The following PTPRT variants were observed in gnomAD, a reference collection of about 807,000 sequenced individuals.
The protein encoded by PTPRT is receptor-type tyrosine-protein phosphatase T.
Under a neutral mutation model 176.8 loss-of-function variants are expected in PTPRT, and 56 were observed. The ratio of observed to expected loss-of-function variants is 0.32; its 90% CI spans 0.26 to 0.40. The LOEUF (loss-of-function observed/expected upper bound fraction) is 0.40, where lower values mean the gene tolerates loss of function less well. PTPRT is among the 10% of genes least tolerant of loss of function. The pLI, the probability that PTPRT is intolerant of heterozygous loss-of-function variation, is 1.00. For synonymous variants in PTPRT, 783 were observed against 739.0 expected (o/e 1.06, Z -0.96); for missense variants, 1,540 against 1,908.2 (o/e 0.81, Z 3.60).
chr20:42,053,883 C>T, the PTPRT span, among the ~76,000 whole-genome samples: 25,423 of 152,072 alleles, frequency 0.17, 3,745 homozygotes, highest in African/African-American at 0.39. Context: ...GTGATTCATA[C>T]GGTGATGTAC....
intron 21 of PTPRT, among the ~76,000 whole-genome samples, chr20:42,117,840 G>C (rs1441699770): frequency 6.6e-6 from 1 of 152,122 alleles, no homozygotes; most frequent in Non-Finnish European, 1.5e-5. Context: ...GGAAGGTACT[G>C]GGCATGTTTG....
chr20:42,061,677 A>C, the PTPRT span, among the ~76,000 whole-genome samples: 1 of 152,192 alleles, frequency 6.6e-6, no homozygotes, highest in African/African-American at 2.4e-5. Context: ...CATCTGGGAC[A>C]TCTCTAGGCC....
chr20:43,020,549 A>G (rs776545540), intron 1 of PTPRT, among the ~76,000 whole-genome samples: 7 of 152,086 alleles, frequency 4.6e-5, no homozygotes, highest in Non-Finnish European at 7.4e-5. Flanking sequence ...AAGTTGGCAG[A>G]CGTGATTTAA....
At chr20:43,070,520 G>A (rs2146269867) in intron 1 of PTPRT, among the ~76,000 whole-genome samples, 1 of 152,278 alleles carries the variant, frequency 6.6e-6, no homozygotes, top group Non-Finnish European at 1.5e-5. Flanking sequence ...AAAAACACAT[G>A]CACATGTATG....
intron 2 of PTPRT, among the ~76,000 whole-genome samples, chr20:42,821,160 C>A (rs1230866194): frequency 6.6e-6 from 1 of 152,226 alleles, no homozygotes; most frequent in Non-Finnish European, 1.5e-5. Context: ...TGAAAATCCT[C>A]AGTAAAATAC....
intron 7 of PTPRT, among the ~76,000 whole-genome samples, chr20:42,522,894 C>G (rs149630429): frequency 4.6e-5 from 7 of 152,262 alleles, no homozygotes; most frequent in African/African-American, 1.7e-4. Flanking sequence ...ACTCACAGAG[C>G]TCTCTTTTCT....
intron 13 of PTPRT, among the ~76,000 whole-genome samples, chr20:42,249,114 C>G (rs779803211): frequency 3.3e-5 from 5 of 152,126 alleles, no homozygotes; most frequent in Admixed American, 6.5e-5. Context: ...TTCCTTAAGG[C>G]AAATCAAGTT....
chr20:42,127,223 C>T lies in PTPRT; in HGVS notation c.2847+1531G>A, dbSNP rs141218944. On this transcript the variant is annotated intron_variant, in intron 19 of 30. Transcript: ENST00000373187. ...GTCCAGAGTCCAGAAATAACCAGAG[C>T]CCCAGTGGGCTGACTGGCAGGAGAC... 2.3e-3 allele frequency among the ~76,000 whole-genome samples: 354 copies of T among 152,254 alleles called. 3 individuals are homozygous for T. Among genetic ancestry groups the T allele is most frequent in the African/African-American group, 8.2e-3 (342 of 41,546 alleles).
At chr20:42,278,344 C>T (rs536473235) in intron 13 of PTPRT, among the ~76,000 whole-genome samples, 2 of 143,388 alleles carry the variant, frequency 1.4e-5, no homozygotes, top group Admixed American at 7.0e-5. Context: ...GCAAGATGAG[C>T]GAAGGCCCCA....
intron 1 of PTPRT, among the ~76,000 whole-genome samples, chr20:42,903,106 A>G (rs906110609): frequency 1.3e-5 from 2 of 152,328 alleles, no homozygotes; most frequent in Non-Finnish European, 2.9e-5. Context: ...GGCATGCAAT[A>G]AACATGTGCC....
intron 8 of PTPRT, among the ~76,000 whole-genome samples, chr20:42,471,192 A>G (rs1301984198): frequency 2.0e-5 from 3 of 152,202 alleles, no homozygotes; most frequent in African/African-American, 7.2e-5. Flanking sequence ...GCATTGTCTG[A>G]CTTCCAAATT....
chr20:42,243,341 G>C (rs1287411754), intron 14 of PTPRT, among the ~76,000 whole-genome samples: 1 of 152,140 alleles, frequency 6.6e-6, no homozygotes, highest in Non-Finnish European at 1.5e-5. Flanking sequence ...CTGATCTTCA[G>C]GCCAGCAAAA....
intron 2 of PTPRT, among the ~76,000 whole-genome samples, chr20:42,832,499 T>G (rs1481545754): frequency 6.6e-6 from 1 of 151,146 alleles, no homozygotes; most frequent in Non-Finnish European, 1.5e-5. Context: ...CTCCTGAAAC[T>G]AAAAGCTAAA....
At chr20:42,775,812 T>C (rs1458316790) in intron 4 of PTPRT, among the ~76,000 whole-genome samples, 1 of 152,340 alleles carries the variant, frequency 6.6e-6, no homozygotes, top group East Asian at 1.9e-4. Context: ...ATAGAAAATA[T>C]GTTTTAGAGG....
chr20:42,315,893 T>C lies in PTPRT; in HGVS notation c.1969A>G (p.Ser657Gly). The C allele has an allele frequency of 6.2e-7, 1 of 1,614,142 alleles. No homozygotes were observed. The highest frequency in any genetic ancestry group is 8.5e-7 in the Non-Finnish European group (1 of 1,180,022). ...GCAAAGTAGTGTAGAGAATCGAGGCTGGAGGCATTCCGATAGCTCACGGGC... is the reference window on the plus strand; with the variant it reads ...GCAAAGTAGTGTAGAGAATCGAGGCCGGAGGCATTCCGATAGCTCACGGGC... ...SVPVSYRNAS[S>G]LDSLHYFAAE... The change falls in exon 12 of 31, where the codon AGC becomes GGC. Residue 657 changes from serine to glycine, a missense_variant. Transcript: ENST00000373187.
At chr20:42,299,052 A>G (rs182616328) in intron 12 of PTPRT, among the ~76,000 whole-genome samples, 1 of 152,300 alleles carries the variant, frequency 6.6e-6, no homozygotes, top group Non-Finnish European at 1.5e-5. Context: ...AGAAGGGGAA[A>G]TATAACATAC....
chr20:42,437,392 C>T (rs953073069), intron 9 of PTPRT, among the ~76,000 whole-genome samples: 2 of 152,198 alleles, frequency 1.3e-5, no homozygotes, highest in Non-Finnish European at 2.9e-5. Context: ...TTCAAGTACA[C>T]TCTGCAATGA....
intron 7 of PTPRT, among the ~76,000 whole-genome samples, chr20:42,536,318 T>A (rs1218335567): frequency 1.3e-5 from 2 of 152,202 alleles, no homozygotes; most frequent in Admixed American, 6.5e-5. Context: ...TCCTTCTGAT[T>A]TTATAGAAGT....
intron 2 of PTPRT, among the ~76,000 whole-genome samples, chr20:42,828,886 A>C (rs1455820043): frequency 6.6e-6 from 1 of 152,194 alleles, no homozygotes; most frequent in Non-Finnish European, 1.5e-5. Context: ...GACAGTGCAG[A>C]AGGGAAATGT....
Sources: gnomAD v4.1 joint callset for allele counts (sites outside exome capture counted in the v4.1 genomes callset) on GRCh38, gnomAD v4.1.1 for gene constraint, MANE v1.5 for transcripts, NCBI Gene and HGNC (gene_info 2026-07-23, HGNC 2026-07-21) for gene names.